Variants in DGLUCY observed in about 807,000 individuals in gnomAD.
DGLUCY encodes the protein D-glutamate cyclase, also known as D-glutamate cyclase, mitochondrial.
Under a neutral mutation model 58.5 loss-of-function variants are expected in DGLUCY, and 58 were observed. The ratio of observed to expected loss-of-function variants is 0.99; its 90% CI spans 0.80 to 1.23. DGLUCY has a LOEUF of 1.23. DGLUCY is among the 50% of genes most tolerant of loss of function. DGLUCY has a pLI of 0.00. For synonymous variants in DGLUCY, 325 were observed against 314.1 expected (o/e 1.03, Z -0.37); for missense variants, 779 against 784.7 (o/e 0.99, Z 0.09).
chr14:91,069,198 G>T (rs1001677860), intron 1 of DGLUCY, among the ~76,000 whole-genome samples: 1 of 152,170 alleles, frequency 6.6e-6, no homozygotes, highest in Non-Finnish European at 1.5e-5. Flanking sequence ...GGAAAATGCA[G>T]ACCTCAGACT....
At chr14:91,069,362 A>G (rs1288827611) in intron 1 of DGLUCY, among the ~76,000 whole-genome samples, 1 of 151,602 alleles carries the variant, frequency 6.6e-6, no homozygotes, top group African/African-American at 2.4e-5. Flanking sequence ...TGCAACCTCC[A>G]CCTTCCGGGT....
At chr14:91,167,830 C>T in intron 4 of DGLUCY, 2 of 613,264 alleles carry the variant, frequency 3.3e-6, no homozygotes, top group Non-Finnish European at 5.8e-6. Context: ...CACGAGTCTA[C>T]CTTTCCTATG....
At chr14:91,223,536 G>A (rs1887807786) in intron 13 of DGLUCY, 1 of 440,612 alleles carries the variant, frequency 2.3e-6, no homozygotes, top group Admixed American at 3.7e-5. Context: ...TTCACTTAAG[G>A]CTCACTGTCC....
chr14:91,186,501 T>C (rs2049532731), intron 8 of DGLUCY, among the ~76,000 whole-genome samples: 1 of 152,152 alleles, frequency 6.6e-6, no homozygotes, highest in African/African-American at 2.4e-5. Flanking sequence ...ATGGATCAGG[T>C]GATCCATCTG....
At chr14:91,111,248 G>GTGTGTGTGTA (rs1555391921), upstream of DGLUCY, among the ~76,000 whole-genome samples, 41 of 81,150 alleles carry the variant, frequency 5.1e-4, no homozygotes, top group Admixed American at 3.6e-3. Flanking sequence ...GTGTGTGTGT[G>GTGTGTGTGTA]TATATATCTA....
In DGLUCY at chr14:91,167,382, A is replaced by G; in HGVS notation, c.257+4A>G. 6.2e-7 allele frequency: 1 copy of G among 1,614,146 alleles called. No individual in the cohort carries two copies. ...AAGGTGCTATCTCAGAGACCAGGTA[A>G]AAAGCTTGGGTTACTGTGGGTTGAA... On this transcript the variant is annotated splice_donor_region_variant and intron_variant, in intron 4 of 13. Transcript: ENST00000256324.
At chr14:91,217,366 G>A (rs945282144) in intron 13 of DGLUCY, among the ~76,000 whole-genome samples, 7 of 152,146 alleles carry the variant, frequency 4.6e-5, no homozygotes, top group Non-Finnish European at 7.3e-5. Flanking sequence ...TGAGCACTGA[G>A]CCTGCAGAAG....
intron 1 of DGLUCY, among the ~76,000 whole-genome samples, chr14:91,115,838 G>A (rs941676): frequency 0.56 from 85,533 of 152,106 alleles, 25,307 homozygotes; most frequent in East Asian, 0.89. Flanking sequence ...AATTTCACGC[G>A]TTGTGAAAGA....
chr14:91,211,502 T>C (rs755522923), intron 12 of DGLUCY, among the ~76,000 whole-genome samples: 1 of 152,150 alleles, frequency 6.6e-6, no homozygotes, highest in African/African-American at 2.4e-5. Flanking sequence ...TGGAACAGAA[T>C]AGACAGCCCA....
intron 1 of DGLUCY, among the ~76,000 whole-genome samples, chr14:91,065,102 C>G (rs945148908): frequency 6.6e-6 from 1 of 152,056 alleles, no homozygotes; most frequent in African/African-American, 2.4e-5. Flanking sequence ...CTTCCACAGA[C>G]TTAAGCACTG....
intron 3 of DGLUCY, among the ~76,000 whole-genome samples, chr14:91,165,590 A>C (rs1253831186): frequency 6.6e-6 from 1 of 152,196 alleles, no homozygotes; most frequent in Non-Finnish European, 1.5e-5. Context: ...TCTGCCCCCC[A>C]AAAAGATACC....
At chr14:91,198,779 C>T (rs2050374665) in intron 10 of DGLUCY, among the ~76,000 whole-genome samples, 1 of 152,154 alleles carries the variant, frequency 6.6e-6, no homozygotes, top group African/African-American at 2.4e-5. Context: ...TGTGCATTTT[C>T]TCATGTTTCC....
chr14:91,182,894 A>G (rs184831136), intron 8 of DGLUCY, among the ~76,000 whole-genome samples: 1 of 141,352 alleles, frequency 7.1e-6, no homozygotes, highest in African/African-American at 3.0e-5. Flanking sequence ...GCTGATTCCA[A>G]TTAGTTATTT....
At chr14:91,129,813 A>G (rs531298539) in intron 1 of DGLUCY, among the ~76,000 whole-genome samples, 1 of 151,926 alleles carries the variant, frequency 6.6e-6, no homozygotes, top group Admixed American at 6.6e-5. Context: ...CGCCTGGCTA[A>G]TTTTGTATTT....
At chr14:91,117,895 A>T (rs1437902807) in intron 1 of DGLUCY, among the ~76,000 whole-genome samples, 1 of 152,170 alleles carries the variant, frequency 6.6e-6, no homozygotes, top group East Asian at 1.9e-4. Flanking sequence ...GTAGATTCAA[A>T]GATTTCCCAA....
chr14:91,080,975 C>T (rs112351993), intron 1 of DGLUCY, among the ~76,000 whole-genome samples: 2,897 of 152,158 alleles, frequency 0.019, 36 homozygotes, highest in South Asian at 0.033. Context: ...AGGCCGAGGC[C>T]GGTGGTCACC....
chr14:91,126,660 C>A (rs548226114), intron 1 of DGLUCY: 15 of 153,594 alleles, frequency 9.8e-5, no homozygotes, highest in Admixed American at 7.2e-4. Flanking sequence ...GAGTTTGAGA[C>A]AAGCCTGGGC....
chr14:91,067,794 C>T (rs1054978160), intron 1 of DGLUCY, among the ~76,000 whole-genome samples: 1 of 152,150 alleles, frequency 6.6e-6, no homozygotes, highest in African/African-American at 2.4e-5. Context: ...AAGCAATCCA[C>T]CCACCTCGGC....
At chr14:91,197,905 T>C (rs757313954) in intron 10 of DGLUCY, among the ~76,000 whole-genome samples, 4 of 152,234 alleles carry the variant, frequency 2.6e-5, no homozygotes, top group African/African-American at 4.8e-5. Flanking sequence ...GACATACACA[T>C]AGAAGTGAAA....
Sources: gnomAD v4.1 joint callset for allele counts (sites outside exome capture counted in the v4.1 genomes callset) on GRCh38, gnomAD v4.1.1 for gene constraint, MANE v1.5 for transcripts, NCBI Gene and HGNC (gene_info 2026-07-23, HGNC 2026-07-21) for gene names.